SOX5: variants seen among roughly 807,000 people sequenced by gnomAD.
SOX5 encodes SRY-box transcription factor 5.
Under a neutral mutation model 92.0 loss-of-function variants are expected in SOX5, and 9 were observed. The observed-to-expected ratio is 0.10, with a 90% CI of 0.06 to 0.17. The LOEUF is 0.17. Among genes scored for constraint, SOX5 ranks in the 10% least tolerant of loss-of-function variants. The pLI is 1.00. For synonymous variants in SOX5, 344 were observed against 336.3 expected (o/e 1.02, Z -0.25); for missense variants, 642 against 944.5 (o/e 0.68, Z 4.20).
Position 24,173,394 on chromosome 12 carries a change from C to A in SOX5, c.-2+39949G>T, listed in dbSNP as rs78861067. ...GAAATAAACTAAAAGGTCTGTTTTCCAGCTATCTGCTGGTCTCATTGACTC... is the reference window on the plus strand; with the variant it reads ...GAAATAAACTAAAAGGTCTGTTTTCAAGCTATCTGCTGGTCTCATTGACTC... On this transcript the variant is annotated intron_variant, in intron 4 of 4. Transcript: ENST00000446891. Among the ~76,000 whole-genome samples the A allele has an allele frequency of 1.6e-4, 24 of 152,278 alleles. 1 individual carries two copies. The East Asian group carries it at 4.6e-3, about 29-fold the overall frequency.
chr12:23,578,435 T>G (rs922944050), intron 9 of SOX5, among the ~76,000 whole-genome samples: 2 of 151,562 alleles, frequency 1.3e-5, no homozygotes, highest in African/African-American at 4.9e-5. Flanking sequence ...TGATGCACAC[T>G]CAAGTGTAAG....
At chr12:24,426,594 G>T (rs1966796955) in intron 1 of SOX5, among the ~76,000 whole-genome samples, 2 of 152,180 alleles carry the variant, frequency 1.3e-5, no homozygotes, top group South Asian at 2.1e-4. Flanking sequence ...TCAAAGGCAG[G>T]TCTGTCTTAA....
intron 3 of SOX5, among the ~76,000 whole-genome samples, chr12:23,808,867 T>C (rs928944344): frequency 7.2e-5 from 11 of 152,316 alleles, no homozygotes; most frequent in Non-Finnish European, 1.3e-4. Context: ...TTTCTAATAG[T>C]GGACCTATTA....
At chr12:24,482,989 A>G (rs1395865156) in intron 1 of SOX5, among the ~76,000 whole-genome samples, 4 of 152,244 alleles carry the variant, frequency 2.6e-5, no homozygotes, top group Non-Finnish European at 5.9e-5. Context: ...TGTAAAAAAC[A>G]TATTTCCCTG....
intron 1 of SOX5, among the ~76,000 whole-genome samples, chr12:24,431,116 G>A (rs1938223961): frequency 6.6e-6 from 1 of 152,156 alleles, no homozygotes; most frequent in Non-Finnish European, 1.5e-5. Context: ...ACCAGGCAGT[G>A]TATATGTCTG....
chr12:23,563,075 A>G (rs1230004764), intron 11 of SOX5, among the ~76,000 whole-genome samples, 183 bp downstream of exon 11: 2 of 152,046 alleles, frequency 1.3e-5, no homozygotes, highest in Non-Finnish European at 2.9e-5. Context: ...GAGAATTATA[A>G]CTCTTTCTAT....
intron 8 of SOX5, among the ~76,000 whole-genome samples, chr12:23,606,343 G>T (rs2075257363): frequency 1.3e-5 from 2 of 151,454 alleles, no homozygotes; most frequent in Admixed American, 1.3e-4. Context: ...ATTGTATATT[G>T]TATTCTTGTC....
At chr12:23,978,582 G>A (rs1371087564) in intron 4 of SOX5, among the ~76,000 whole-genome samples, 4 of 152,072 alleles carry the variant, frequency 2.6e-5, no homozygotes, top group African/African-American at 9.7e-5. Context: ...TAGAAATAAT[G>A]TGAAATATTT....
intron 4 of SOX5, among the ~76,000 whole-genome samples, chr12:24,117,996 G>A (rs181608841): frequency 6.9e-6 from 1 of 145,070 alleles, no homozygotes; most frequent in Non-Finnish European, 1.5e-5. Flanking sequence ...TCCAGCCTGG[G>A]GAACAGAGCG....
rs144762758 is a variant in SOX5 at position 23,968,105 on chromosome 12, C to G, written c.-1-72081G>C. On this transcript the variant is annotated intron_variant, in intron 4 of 4. Transcript: ENST00000446891. ...CCAAAAGTCAAATAAATAGTTGATG[C>G]CAGAATGCGGACTCTACTAGTGTTC... Among the ~76,000 whole-genome samples the G allele has an allele frequency of 6.4e-3, 968 of 152,232 alleles. 34 individuals carry two copies. The highest frequency in any genetic ancestry group is 0.06 in the Admixed American group (912 of 15,288).
chr12:24,321,860 G>A (rs897848943), intron 2 of SOX5, among the ~76,000 whole-genome samples: 5 of 152,006 alleles, frequency 3.3e-5, no homozygotes, highest in African/African-American at 1.2e-4. Context: ...AACATCAAAG[G>A]GTTCAGAAGT....
At chr12:23,658,207 A>C (rs1466628779) in intron 7 of SOX5, among the ~76,000 whole-genome samples, 2 of 152,246 alleles carry the variant, frequency 1.3e-5, no homozygotes, top group Non-Finnish European at 2.9e-5. Context: ...TGCCACAACA[A>C]AGACATATCC....
chr12:24,253,248 C>A (rs957699041), intron 3 of SOX5, among the ~76,000 whole-genome samples: 1 of 149,384 alleles, frequency 6.7e-6, no homozygotes, highest in African/African-American at 2.5e-5. Context: ...TCATAAAAAT[C>A]ATCAGAGAAG....
intron 1 of SOX5, among the ~76,000 whole-genome samples, chr12:24,509,167 T>G (rs1165639020): frequency 2.0e-5 from 3 of 152,206 alleles, no homozygotes; most frequent in African/African-American, 7.2e-5. Flanking sequence ...CTTTCCTTAT[T>G]TTTAAAATGA....
chr12:24,212,360 G>T, intron 4 of SOX5: 1 of 529,790 alleles, frequency 1.9e-6, no homozygotes. Flanking sequence ...GAAGAGATCT[G>T]ATCACACTGA....
chr12:24,439,411 C>T (rs1184323024), intron 1 of SOX5, among the ~76,000 whole-genome samples: 1 of 152,108 alleles, frequency 6.6e-6, no homozygotes, highest in Non-Finnish European at 1.5e-5. Context: ...AGCTTCCTGC[C>T]CTAGATTTCC....
chr12:24,466,545 TA>T (rs1422278329), intron 1 of SOX5, among the ~76,000 whole-genome samples: 1 of 152,220 alleles, frequency 6.6e-6, no homozygotes, highest in Admixed American at 6.5e-5. Context: ...AGTTTCTATT[TA>T]GGGGTCCAGA....
intron 4 of SOX5, among the ~76,000 whole-genome samples, chr12:24,188,949 C>G (rs1956267445): frequency 6.6e-6 from 1 of 152,080 alleles, no homozygotes; most frequent in Non-Finnish European, 1.5e-5. Context: ...TGATTTGTTG[C>G]AAAATAATAT....
chr12:24,039,787 T>C (rs1011000650), intron 4 of SOX5, among the ~76,000 whole-genome samples: 3 of 152,178 alleles, frequency 2.0e-5, no homozygotes, highest in Middle Eastern at 6.3e-3. Flanking sequence ...TAGTTTAAAA[T>C]ATTAAATGGA....
Sources: allele counts gnomAD v4.1 joint callset (sites outside exome capture counted in the v4.1 genomes callset), GRCh38; gene constraint gnomAD v4.1.1; transcripts MANE v1.5; gene names NCBI Gene and HGNC (gene_info 2026-07-23, HGNC 2026-07-21).